TRIM2: variants seen among roughly 807,000 people sequenced by gnomAD.
The protein encoded by TRIM2 is tripartite motif containing 2.
TRIM2 carries 20 observed loss-of-function variants against 75.2 expected under a neutral mutation model. The observed-to-expected ratio is 0.27, with a 90% CI of 0.19 to 0.39. The LOEUF (loss-of-function observed/expected upper bound fraction) is 0.39. TRIM2 is among the 10% of genes least tolerant of loss of function. The probability of loss-of-function intolerance (pLI) is 1.00; values close to 1 mark genes in which losing one functional copy is unlikely to be tolerated. For synonymous variants in TRIM2, 373 were observed against 388.3 expected, an observed-to-expected ratio of 0.96 and a Z score of 0.46; for missense variants, 660 against 990.8, an observed-to-expected ratio of 0.67 and a Z score of 4.48.
chr4:153,201,338 G>T (rs1015566514), upstream of TRIM2, among the ~76,000 whole-genome samples: 2 of 152,036 alleles, frequency 1.3e-5, no homozygotes, highest in Non-Finnish European at 2.9e-5. Context: ...GGACATTTAT[G>T]TATTATTCTT....
chr4:153,296,881 T>A (rs1211721154), intron 6 of TRIM2, among the ~76,000 whole-genome samples: 1 of 152,232 alleles, frequency 6.6e-6, no homozygotes, highest in African/African-American at 2.4e-5. Flanking sequence ...CAATGCAGTA[T>A]CTCTGAAAGA....
chr4:153,199,787 T>C (rs1412133863), upstream of TRIM2, among the ~76,000 whole-genome samples: 1 of 152,064 alleles, frequency 6.6e-6, no homozygotes, highest in East Asian at 1.9e-4. Context: ...TATCATATTT[T>C]TTAAGACACA....
intron 1 of TRIM2, among the ~76,000 whole-genome samples, chr4:153,247,175 T>C (rs904668810): frequency 1.3e-5 from 2 of 152,142 alleles, no homozygotes. Context: ...AAAGTCCAGG[T>C]TTCTTTCTCA....
At chr4:153,196,553 A>G (rs1465229755) in intron 1 of TRIM2, among the ~76,000 whole-genome samples, 1 of 152,188 alleles carries the variant, frequency 6.6e-6, no homozygotes, top group African/African-American at 2.4e-5. Flanking sequence ...CATACATGGA[A>G]ATGCTTTAGA....
At position 153,334,846 on chromosome 4, in the gene TRIM2, C is replaced by T. The variant is rs777096080; in HGVS notation, c.2196C>T (p.Tyr732=). Residue 732 remains tyrosine, a synonymous_variant, in exon 12 of 12, where the codon TAC becomes TAT. Transcript: ENST00000338700. Reference sequence around the variant, plus strand: ...ATGGGAGTGGATCATTTTTGTCCTACATTAACACATCTGCTGACCCACTCT... The same window carrying T: ...ATGGGAGTGGATCATTTTTGTCCTATATTAACACATCTGCTGACCCACTCT... The part of the protein sequence containing the change: ...VFDGSGSFLS[Y]INTSADPLYG... 7.4e-6 allele frequency: 12 copies of T among 1,613,516 alleles called. No individual in the cohort carries two copies. The highest frequency in any genetic ancestry group is 1.0e-5 in the Non-Finnish European group (12 of 1,179,626).
At chr4:153,226,762 C>T (rs1012966840) in intron 1 of TRIM2, among the ~76,000 whole-genome samples, 3 of 152,130 alleles carry the variant, frequency 2.0e-5, no homozygotes, top group African/African-American at 2.4e-5. Context: ...ATTGGAAAGC[C>T]TCTCAGATTA....
At chr4:153,179,001 C>T (rs1157728123) in intron 1 of TRIM2, among the ~76,000 whole-genome samples, 1 of 152,050 alleles carries the variant, frequency 6.6e-6, no homozygotes, top group African/African-American at 2.4e-5. Flanking sequence ...GCCTGGGCAA[C>T]AAACACAGTG....
At chr4:153,244,293 TCCTCCTCCTCCTCCTCCTCCTCC>T (rs1560873522) in intron 1 of TRIM2, among the ~76,000 whole-genome samples, 662 of 35,184 alleles carry the variant, frequency 0.019, 75 homozygotes, top group Middle Eastern at 0.061. Flanking sequence ...CTCCTCCTCC[TCCTCCTCCTCCTCCTCCTCCTCC>T]TCCTCTTCTT....
At position 153,335,818 on chromosome 4, in the gene TRIM2, GTCTCT is replaced by G; in HGVS notation, c.*860_*864del. On this transcript the variant is annotated 3_prime_UTR_variant, in exon 12 of 12. Transcript: ENST00000338700. ...TTTTATGTACCATGTTTTCACACGT[GTCTCT>G]TCTCTTCGACTTCCTGAAAGCGAAA... 1 of 985,812 alleles carries G rather than the reference GTCTCT, an allele frequency of 1.0e-6. No homozygotes were observed. The highest frequency in any genetic ancestry group is 1.2e-6 in the Non-Finnish European group (1 of 829,926). The allele number at this position is 985,812 out of a possible 1,614,324, so 61.1% of individuals were successfully genotyped here. A position where few individuals can be genotyped will look rare whatever the true frequency, so the allele number is the denominator to read the frequency against.
intron 6 of TRIM2, among the ~76,000 whole-genome samples, 170 bp downstream of exon 6, chr4:153,296,206 C>T (rs549918150): frequency 1.3e-5 from 2 of 152,206 alleles, no homozygotes; most frequent in Non-Finnish European, 2.9e-5. Context: ...TATGCAGTCT[C>T]CTCCAGAGAT....
At chr4:153,244,405 CTT>C (rs1748305022) in intron 1 of TRIM2, among the ~76,000 whole-genome samples, 1 of 85,494 alleles carries the variant, frequency 1.2e-5, no homozygotes, top group Non-Finnish European at 2.1e-5. Context: ...TCTTCTTCTT[CTT>C]CTTCTTCTTC....
intron 1 of TRIM2, among the ~76,000 whole-genome samples, chr4:153,261,684 C>T (rs1753626138): frequency 1.3e-5 from 2 of 152,192 alleles, no homozygotes; most frequent in Admixed American, 1.3e-4. Flanking sequence ...TCCCCTTCTC[C>T]AGAAGAGCGA....
chr4:153,308,832 T>C (rs1001121499), intron 6 of TRIM2: 7 of 396,678 alleles, frequency 1.8e-5, no homozygotes, highest in Non-Finnish European at 3.5e-5. Flanking sequence ...AATATATTAT[T>C]TTATGCCCCT....
At chr4:153,209,446 G>A (rs1021178202) in intron 1 of TRIM2, among the ~76,000 whole-genome samples, 19 of 152,094 alleles carry the variant, frequency 1.2e-4, no homozygotes, top group African/African-American at 4.6e-4. Flanking sequence ...GCACATGCTG[G>A]GTACAAGATC....
At chr4:153,257,864 T>C (rs11932849) in intron 1 of TRIM2, 117,153 of 330,288 alleles carry the variant, frequency 0.35, 22,484 homozygotes, top group Non-Finnish European at 0.41. Flanking sequence ...TCTCTCATGG[T>C]GATGCTGCAT....
At chr4:153,163,217 G>T (rs1263826258) in intron 1 of TRIM2, among the ~76,000 whole-genome samples, 1 of 151,946 alleles carries the variant, frequency 6.6e-6, no homozygotes, top group Non-Finnish European at 1.5e-5. Flanking sequence ...ACAGGGTCTT[G>T]CTCTGTTGCC....
intron 1 of TRIM2, among the ~76,000 whole-genome samples, chr4:153,244,939 G>A (rs531732833): frequency 2.6e-4 from 40 of 152,228 alleles, no homozygotes; most frequent in Admixed American, 2.4e-3. Flanking sequence ...GCCTGTTTCT[G>A]GCAGGTTCCT....
intron 1 of TRIM2, among the ~76,000 whole-genome samples, chr4:153,172,177 G>GTGATTT (rs1197171431): frequency 6.7e-6 from 1 of 150,160 alleles, no homozygotes; most frequent in Non-Finnish European, 1.5e-5. Context: ...ATTTATTACA[G>GTGATTT]TGATTTTTAT....
intron 6 of TRIM2, chr4:153,308,298 T>C (rs1765481719): frequency 6.5e-7 from 1 of 1,539,326 alleles, no homozygotes. Flanking sequence ...AATGTCCTTC[T>C]CCAGATCAGT....
Sources: allele counts gnomAD v4.1 joint callset (sites outside exome capture counted in the v4.1 genomes callset), GRCh38; gene constraint gnomAD v4.1.1; transcripts MANE v1.5; gene names NCBI Gene and HGNC (gene_info 2026-07-23, HGNC 2026-07-21).